The following UPF2 variants were observed in gnomAD, a reference collection of about 807,000 sequenced individuals.
UPF2 encodes the protein UPF2 regulator of nonsense mediated mRNA decay.
A neutral mutation model predicts 141.4 loss-of-function variants in UPF2; 17 were observed. That is an observed-to-expected ratio of 0.12 (90% CI 0.08 to 0.18). The LOEUF is 0.18. Ranked by LOEUF, UPF2 falls within the 10% of genes least tolerant of loss-of-function variation. The pLI is 1.00. For missense variants in UPF2, 1,152 were observed against 1,515.9 expected, an observed-to-expected ratio of 0.76 and a Z score of 3.99; for synonymous variants, 540 against 498.0, an observed-to-expected ratio of 1.08 and a Z score of -1.12.
At chr10:11,948,223 G>T in intron 16 of UPF2, 146 bp downstream of exon 16, 3 of 803,074 alleles carry the variant, frequency 3.7e-6, no homozygotes, top group Non-Finnish European at 5.3e-6. Context: ...ACTCCAACTT[G>T]GGCGACAGAG....
intron 3 of UPF2, among the ~76,000 whole-genome samples, chr10:12,015,227 G>A (rs1449482809): frequency 6.6e-6 from 1 of 151,954 alleles, no homozygotes; most frequent in East Asian, 1.9e-4. Context: ...TGTTATTTGC[G>A]TTTTCTTACA....
chr10:11,941,663 T>A (rs553751303), intron 18 of UPF2, among the ~76,000 whole-genome samples: 162 of 152,254 alleles, frequency 1.1e-3, no homozygotes, highest in Non-Finnish European at 1.9e-3. Context: ...TATCTATATG[T>A]AGTATCTTCA....
chr10:12,041,274 G>A (rs1834730113), intron 1 of UPF2, among the ~76,000 whole-genome samples: 3 of 152,128 alleles, frequency 2.0e-5, no homozygotes, highest in Admixed American at 2.0e-4. Flanking sequence ...AAGATAGTGA[G>A]GAGAAAAAGT....
intron 9 of UPF2, among the ~76,000 whole-genome samples, chr10:11,971,635 A>G (rs531637088): frequency 1.3e-5 from 2 of 152,342 alleles, no homozygotes; most frequent in South Asian, 4.1e-4. Context: ...TTTTCTATAT[A>G]TTTATAGCTC....
At chr10:12,041,503 G>A (rs1834732972) in intron 1 of UPF2, among the ~76,000 whole-genome samples, 1 of 152,146 alleles carries the variant, frequency 6.6e-6, no homozygotes, top group African/African-American at 2.4e-5. Flanking sequence ...TACCAATGGA[G>A]TGTATTGGGG....
At chr10:11,997,876 C>T (rs879400809) in intron 7 of UPF2, 119 bp from the exon 8 acceptor site, 2 of 1,003,938 alleles carry the variant, frequency 2.0e-6, no homozygotes, top group African/African-American at 1.6e-5. Context: ...TTTTAAGAAA[C>T]TAGTATTGTT....
Position 11,954,633 on chromosome 10 carries a change from C to CA in UPF2, c.2850+598dup, listed in dbSNP as rs199644138. 2.1e-3 allele frequency among the ~76,000 whole-genome samples: 272 copies of CA among 127,984 alleles called. 1 individual carries two copies. The highest frequency in any genetic ancestry group is 0.011 in the Middle Eastern group (3 of 262). 84.0% of individuals were successfully genotyped at this position (127,984 alleles called of 152,430 possible). On this transcript the variant is annotated intron_variant, in intron 14 of 21. Transcript: ENST00000357604. ...TGGATGACACAGCAAGACTTACTCT[C>CA]AAAAAAAAAAATATATATATATATA...
chr10:11,944,151 C>G (rs1423369564), intron 16 of UPF2, among the ~76,000 whole-genome samples: 3 of 152,102 alleles, frequency 2.0e-5, no homozygotes, highest in African/African-American at 7.2e-5. Context: ...AAAACCCCAA[C>G]AGTGTATACA....
At chr10:11,968,051 C>T (rs57307493) in intron 9 of UPF2, among the ~76,000 whole-genome samples, 2,123 of 152,010 alleles carry the variant, frequency 0.014, 48 homozygotes, top group African/African-American at 0.048. Flanking sequence ...TAGTGGCAGG[C>T]GCCTGTAATC....
chr10:11,925,779 A>G (rs1299711803), intron 21 of UPF2, among the ~76,000 whole-genome samples: 1 of 152,216 alleles, frequency 6.6e-6, no homozygotes, highest in East Asian at 1.9e-4. Context: ...ACACAGAACT[A>G]AAGGTCAGCT....
chr10:12,023,408 A>T (rs1472978419), intron 3 of UPF2, among the ~76,000 whole-genome samples: 2 of 151,366 alleles, frequency 1.3e-5, no homozygotes, highest in Non-Finnish European at 2.9e-5. Flanking sequence ...GGCATGGTGG[A>T]TCACACCTGT....
chr10:11,981,200 GT>G (rs1833587603), intron 8 of UPF2, among the ~76,000 whole-genome samples: 1 of 152,054 alleles, frequency 6.6e-6, no homozygotes, highest in South Asian at 2.1e-4. Flanking sequence ...AAGAAGAAAG[GT>G]AAGGTTAAAT....
chr10:11,941,531 A>T (rs1303556051), intron 18 of UPF2, among the ~76,000 whole-genome samples: 1 of 152,144 alleles, frequency 6.6e-6, no homozygotes, highest in Non-Finnish European at 1.5e-5. Context: ...CTGCTCCATG[A>T]GCATATAAAG....
In UPF2 at chr10:11,920,884, A is replaced by T. The variant is rs1019200370; in HGVS notation, c.*414T>A. ...TTCCAACGTGGGATGTTCAATTCAG[A>T]GACACTGAAACTCAAATCAAGTTTA... is the stretch of plus-strand genomic sequence containing the variant. On this transcript the variant is annotated 3_prime_UTR_variant, in exon 22 of 22. Transcript: ENST00000357604. The T allele has an allele frequency of 4.9e-6, 2 of 406,130 alleles. No homozygotes were observed. The highest frequency in any genetic ancestry group is 2.7e-5 in the Admixed American group (1 of 37,340). 25.2% of individuals were successfully genotyped at this position (406,130 alleles called of 1,614,324 possible).
At position 12,014,403 on chromosome 10, in the gene UPF2, T is replaced by C. The variant is rs1048398613; in HGVS notation, c.1146-219A>G. Among the ~76,000 whole-genome samples the C allele has an allele frequency of 2.0e-5, 3 of 152,206 alleles. No individual in the cohort carries two copies. The highest frequency in any genetic ancestry group is 4.4e-5 in the Non-Finnish European group (3 of 68,042). ...TTTAACACTGGTTCCTCAAAGAATA[T>C]GCAGCATGCTTGCTGAAATACAATA... On this transcript the variant is annotated intron_variant, in intron 3 of 21. Transcript: ENST00000357604. This position sits in a 1 kb window ranked among gnomAD's most constrained non-coding sequence, Gnocchi z 5.0.
chr10:11,959,198 C>G lies in UPF2; in HGVS notation c.2343G>C (p.Lys781Asn). The G allele has an allele frequency of 6.3e-7, 1 of 1,591,760 alleles. No homozygotes were observed. The highest frequency in any genetic ancestry group is 8.5e-7 in the Non-Finnish European group (1 of 1,170,490). Residue 781 changes from lysine to asparagine, a missense_variant, in exon 12 of 22, where the codon AAG becomes AAC. Physicochemically the swap from Lys to Asn is moderately conservative, Grantham distance 94. This residue lies in a region of UPF2 where 739 missense variants were observed against 1,032.2 expected (regional missense o/e 0.72). Coordinates refer to ENST00000357604, the MANE Select transcript of UPF2 (RefSeq NM_015542.4). This position sits in a 1 kb window ranked among gnomAD's most constrained non-coding sequence, Gnocchi z 5.9. Reference sequence around the variant, plus strand: ...TCTCGGTGGTAACCTTAGAGAGATCCTTGTACAAAAGTTTCCGGACATATT... The same window carrying G: ...TCTCGGTGGTAACCTTAGAGAGATCGTTGTACAAAAGTTTCCGGACATATT... ...LQEYVRKLLY[K>N]DLSKVTTEKV...
At chr10:11,961,816 G>C (rs191872207) in intron 11 of UPF2, among the ~76,000 whole-genome samples, 6 of 152,162 alleles carry the variant, frequency 3.9e-5, no homozygotes, top group African/African-American at 1.4e-4. Context: ...TTTTCTATCT[G>C]TGCGAAATCA....
At chr10:12,039,515 T>C (rs930190661) in intron 1 of UPF2, among the ~76,000 whole-genome samples, 10 of 152,220 alleles carry the variant, frequency 6.6e-5, no homozygotes, top group Non-Finnish European at 1.3e-4. Context: ...AAAAAGTTTA[T>C]ATAGATTTCA....
chr10:11,956,275 C>A lies in UPF2; in HGVS notation c.2574+45G>T. On this transcript the variant is annotated intron_variant, in intron 13 of 21. Transcript: ENST00000357604. This position sits in a 1 kb window ranked among gnomAD's most constrained non-coding sequence, Gnocchi z 4.2. The stretch of plus-strand genomic sequence containing the variant: ...AATAGTAACCTAGAAATAATAAATT[C>A]TCCACGAATTCCAGTTGTGTGACAT... 1 of 1,562,122 alleles carries A rather than the reference C, an allele frequency of 6.4e-7. No individual in the cohort carries two copies. The highest frequency in any genetic ancestry group is 1.1e-5 in the South Asian group (1 of 89,672).
Sources: gnomAD v4.1 joint callset for allele counts (sites outside exome capture counted in the v4.1 genomes callset) on GRCh38, gnomAD v4.1.1 for gene constraint, gnomAD v4.1.1 regional missense constraint, Gnocchi (gnomAD v3.1) non-coding constraint, MANE v1.5 for transcripts, NCBI Gene and HGNC (gene_info 2026-07-23, HGNC 2026-07-21) for gene names.